The following SMG6 variants were observed in gnomAD, a reference collection of about 807,000 sequenced individuals.
SMG6 encodes SMG6 nonsense mediated mRNA decay factor.
SMG6 carries 66 observed loss-of-function variants against 142.2 expected under a neutral mutation model. That is an observed-to-expected ratio of 0.46 (90% CI 0.38 to 0.57). SMG6 has a LOEUF of 0.57. SMG6 is among the 20% of genes least tolerant of loss of function. SMG6 has a pLI of 0.00. For synonymous variants in SMG6, 779 were observed against 702.4 expected, an observed-to-expected ratio of 1.11 and a Z score of -1.72; for missense variants, 1,793 against 1,832.0, an observed-to-expected ratio of 0.98 and a Z score of 0.39.
chr17:2,063,804 G>C (rs996931042), intron 18 of SMG6, among the ~76,000 whole-genome samples: 1 of 152,180 alleles, frequency 6.6e-6, no homozygotes, highest in Non-Finnish European at 1.5e-5. Flanking sequence ...GTGAAGGGAG[G>C]CAAGGGGCTG....
chr17:2,127,882 A>G (rs545143267), intron 13 of SMG6: 51 of 564,562 alleles, frequency 9.0e-5, no homozygotes, highest in Non-Finnish European at 1.5e-4. Flanking sequence ...CTTGGTGGCC[A>G]TATCTTTGTA....
intron 13 of SMG6, among the ~76,000 whole-genome samples, chr17:2,117,289 A>G (rs544439164): frequency 6.6e-6 from 1 of 152,014 alleles, no homozygotes; most frequent in East Asian, 1.9e-4. Context: ...CTTTCAACTC[A>G]CTAGTGGAGA....
chr17:2,166,374 T>C (rs1244535187), intron 13 of SMG6, among the ~76,000 whole-genome samples: 1 of 145,504 alleles, frequency 6.9e-6, no homozygotes, highest in Non-Finnish European at 1.5e-5. Context: ...AAAAGGAGAA[T>C]GTAGCACGCA....
chr17:2,198,994 G>C (rs76056828), intron 10 of SMG6, among the ~76,000 whole-genome samples: 1,808 of 126,234 alleles, frequency 0.014, 34 homozygotes, highest in African/African-American at 0.05. Flanking sequence ...ACTGAAGACA[G>C]AACTTCTGTC....
At chr17:2,123,133 C>A (rs1386188777) in intron 13 of SMG6, among the ~76,000 whole-genome samples, 1 of 152,196 alleles carries the variant, frequency 6.6e-6, no homozygotes, top group East Asian at 1.9e-4. Context: ...GAAACCCTGG[C>A]GTGTTGGCGG....
chr17:2,276,051 T>C (rs190879754), intron 8 of SMG6, among the ~76,000 whole-genome samples: 5 of 152,230 alleles, frequency 3.3e-5, no homozygotes, highest in African/African-American at 1.2e-4. Flanking sequence ...CAGTCTGTAT[T>C]AGAAATTCTC....
At chr17:2,127,304 G>C in intron 13 of SMG6, 1 of 418,612 alleles carries the variant, frequency 2.4e-6, no homozygotes, top group South Asian at 2.1e-5. Context: ...AAGAGTTCTG[G>C]AAATGGATAG....
At chr17:2,274,381 A>C (rs552792324) in intron 8 of SMG6, among the ~76,000 whole-genome samples, 1 of 152,220 alleles carries the variant, frequency 6.6e-6, no homozygotes, top group South Asian at 2.1e-4. Flanking sequence ...TACTCCAAAA[A>C]CTCAGGGGCA....
At chr17:2,124,179 G>A (rs1203843551) in intron 13 of SMG6, among the ~76,000 whole-genome samples, 1 of 152,232 alleles carries the variant, frequency 6.6e-6, no homozygotes. Flanking sequence ...GGACACCCAA[G>A]TGGTTGGCAG....
chr17:2,171,456 A>G (rs904176432), intron 13 of SMG6, among the ~76,000 whole-genome samples: 6 of 151,924 alleles, frequency 3.9e-5, no homozygotes, highest in Admixed American at 3.9e-4. Flanking sequence ...AAGAAGGATT[A>G]CGGATAATTT....
chr17:2,194,810 C>T (rs1026705686), intron 10 of SMG6, among the ~76,000 whole-genome samples: 5 of 151,978 alleles, frequency 3.3e-5, no homozygotes, highest in African/African-American at 9.7e-5. Context: ...AAGACTCTCA[C>T]GTGTATTCTC....
chr17:2,101,606 G>A (rs188367060), intron 13 of SMG6: 163 of 152,302 alleles, frequency 1.1e-3, no homozygotes, highest in African/African-American at 3.8e-3. Context: ...TCCTGGAAGA[G>A]TGCCATCGGC....
chr17:2,220,251 A>C (rs1393055436), intron 10 of SMG6, among the ~76,000 whole-genome samples: 1 of 152,180 alleles, frequency 6.6e-6, no homozygotes, highest in Non-Finnish European at 1.5e-5. Context: ...TTATGTACAG[A>C]GATGTTAATT....
chr17:2,255,946 G>A (rs568032335), intron 8 of SMG6: 24 of 204,374 alleles, frequency 1.2e-4, no homozygotes, highest in South Asian at 8.8e-4. Context: ...GATTAAGGGC[G>A]GTGCAAGATG....
chr17:2,171,356 A>AGTGTGTGT (rs10601842), intron 13 of SMG6, among the ~76,000 whole-genome samples: 21 of 149,412 alleles, frequency 1.4e-4, no homozygotes, highest in South Asian at 1.1e-3. Context: ...AAAATGAAAG[A>AGTGTGTGT]GTGTGTGTGT....
At chr17:2,118,923 A>C (rs1361137595) in intron 13 of SMG6, among the ~76,000 whole-genome samples, 1 of 142,360 alleles carries the variant, frequency 7.0e-6, no homozygotes, top group Non-Finnish European at 1.5e-5. Context: ...TTGACATAGA[A>C]TCTCGTTCTG....
At chr17:2,193,846 G>A (rs1031696728) in intron 10 of SMG6, among the ~76,000 whole-genome samples, 1 of 152,182 alleles carries the variant, frequency 6.6e-6, no homozygotes, top group South Asian at 2.1e-4. Context: ...CTTTATTTTT[G>A]AGACAGATTC....
chr17:2,075,500 T>TCA (rs2068232489), intron 15 of SMG6, among the ~76,000 whole-genome samples: 2 of 152,072 alleles, frequency 1.3e-5, no homozygotes, highest in South Asian at 4.1e-4. Context: ...GCAGCACAAA[T>TCA]CACAGCAAAG....
intron 4 of SMG6, among the ~76,000 whole-genome samples, chr17:2,295,091 T>C (rs746564891): frequency 1.3e-5 from 2 of 152,190 alleles, no homozygotes; most frequent in Non-Finnish European, 2.9e-5. Context: ...TGGGCCAGGC[T>C]GGTCTCAAAC....
Sources: gnomAD v4.1 joint callset for allele counts (sites outside exome capture counted in the v4.1 genomes callset) on GRCh38, gnomAD v4.1.1 for gene constraint, MANE v1.5 for transcripts, NCBI Gene and HGNC (gene_info 2026-07-23, HGNC 2026-07-21) for gene names.